FOXP2: variants seen among roughly 807,000 people sequenced by gnomAD.
FOXP2 encodes forkhead box P2.
FOXP2 carries 12 observed loss-of-function variants against 115.8 expected under a neutral mutation model. That is an observed-to-expected ratio of 0.10 (90% CI 0.07 to 0.17). The LOEUF (loss-of-function observed/expected upper bound fraction) is 0.17, where lower values mean the gene tolerates loss of function less well. Among genes scored for constraint, FOXP2 ranks in the 10% least tolerant of loss-of-function variants. The probability of loss-of-function intolerance (pLI) is 1.00; values close to 1 mark genes in which losing one functional copy is unlikely to be tolerated. For missense variants in FOXP2, 629 were observed against 843.5 expected, an observed-to-expected ratio of 0.75 and a Z score of 3.15; for synonymous variants, 328 against 297.7, an observed-to-expected ratio of 1.10 and a Z score of -1.05.
intron 3 of FOXP2, among the ~76,000 whole-genome samples, chr7:114,584,072 G>A (rs1321284601): frequency 6.6e-6 from 1 of 151,884 alleles, no homozygotes; most frequent in African/African-American, 2.4e-5. Flanking sequence ...TTTTTTTATT[G>A]AGGAAAGTGA....
intron 2 of FOXP2, among the ~76,000 whole-genome samples, chr7:114,529,603 T>G (rs1453141343): frequency 6.6e-6 from 1 of 151,876 alleles, no homozygotes; most frequent in Non-Finnish European, 1.5e-5. Context: ...TAACTTTATG[T>G]AACATATACT....
chr7:114,383,645 T>G (rs574399998), intron 2 of FOXP2, among the ~76,000 whole-genome samples: 1 of 152,174 alleles, frequency 6.6e-6, no homozygotes, highest in Non-Finnish European at 1.5e-5. Context: ...GAGGCCAGGT[T>G]TCTCCCCCTT....
At chr7:114,294,215 A>G (rs914261326) in intron 2 of FOXP2, among the ~76,000 whole-genome samples, 1 of 152,142 alleles carries the variant, frequency 6.6e-6, no homozygotes, top group African/African-American at 2.4e-5. Flanking sequence ...AATGTTGGAG[A>G]GTTGTGCTTA....
At chr7:114,172,834 G>A (rs1360229792) in intron 1 of FOXP2, among the ~76,000 whole-genome samples, 1 of 152,042 alleles carries the variant, frequency 6.6e-6, no homozygotes, top group African/African-American at 2.4e-5. Flanking sequence ...TTTCAAATTT[G>A]ATCTGTCAAC....
At chr7:114,343,385 A>G (rs1274051382) in intron 2 of FOXP2, among the ~76,000 whole-genome samples, 1 of 151,614 alleles carries the variant, frequency 6.6e-6, no homozygotes, top group Non-Finnish European at 1.5e-5. Context: ...CTGCTCATTT[A>G]TGTGGGATGA....
chr7:114,362,855 G>A (rs191989363), intron 2 of FOXP2, among the ~76,000 whole-genome samples: 29 of 152,178 alleles, frequency 1.9e-4, no homozygotes, highest in African/African-American at 5.8e-4. Context: ...GACAAAAGAC[G>A]AGGGAATTAA....
chr7:114,617,233 A>C (rs1420819302), intron 3 of FOXP2, among the ~76,000 whole-genome samples: 1 of 152,206 alleles, frequency 6.6e-6, no homozygotes, highest in Non-Finnish European at 1.5e-5. Flanking sequence ...ACCATCATAA[A>C]TGAGACTGTC....
chr7:114,258,107 A>G (rs1472181804), intron 1 of FOXP2, among the ~76,000 whole-genome samples: 1 of 152,222 alleles, frequency 6.6e-6, no homozygotes, highest in Non-Finnish European at 1.5e-5. Flanking sequence ...TGTATTGAGA[A>G]TAGACAGTGG....
At chr7:114,386,588 T>C (rs1407585962) in intron 2 of FOXP2, among the ~76,000 whole-genome samples, 1 of 152,204 alleles carries the variant, frequency 6.6e-6, no homozygotes, top group East Asian at 1.9e-4. Context: ...CCTTCTTGTC[T>C]TTCACTATTT....
At chr7:114,685,542 C>T (rs1313487111) in intron 16 of FOXP2, among the ~76,000 whole-genome samples, 2 of 151,974 alleles carry the variant, frequency 1.3e-5, no homozygotes, top group African/African-American at 2.4e-5. Context: ...CATGATTTAC[C>T]CCACAGTGTG....
chr7:114,151,715 A>T (rs1389414546), intron 1 of FOXP2, among the ~76,000 whole-genome samples: 1 of 152,146 alleles, frequency 6.6e-6, no homozygotes, highest in East Asian at 1.9e-4. Context: ...ATTTCATGCA[A>T]TACTAAGTTT....
intron 1 of FOXP2, among the ~76,000 whole-genome samples, chr7:114,424,241 A>G (rs1793740272): frequency 6.6e-6 from 1 of 151,394 alleles, no homozygotes; most frequent in Non-Finnish European, 1.5e-5. Context: ...GAATTCTTTA[A>G]TTCATCCAAT....
chr7:114,611,642 T>C (rs1803634410), intron 3 of FOXP2, among the ~76,000 whole-genome samples: 1 of 152,142 alleles, frequency 6.6e-6, no homozygotes, highest in African/African-American at 2.4e-5. Flanking sequence ...CAGGAAGTTT[T>C]CTTTTTTTTC....
chr7:114,390,482 G>A (rs867846017), intron 2 of FOXP2, among the ~76,000 whole-genome samples: 3 of 151,378 alleles, frequency 2.0e-5, no homozygotes, highest in South Asian at 2.1e-4. Flanking sequence ...CCAAATCCAC[G>A]TACATGTTTT....
intron 2 of FOXP2, among the ~76,000 whole-genome samples, chr7:114,355,255 C>A (rs1299985599): frequency 6.6e-6 from 1 of 152,048 alleles, no homozygotes; most frequent in Non-Finnish European, 1.5e-5. Context: ...TCAGAAAGTA[C>A]CAGGTGAATT....
intron 5 of FOXP2, 39 bp downstream of exon 5, chr7:114,630,044 A>G: frequency 1.9e-6 from 3 of 1,604,104 alleles, no homozygotes; most frequent in Non-Finnish European, 2.5e-6. Context: ...AACAGTTTGC[A>G]GTTAAGAAGG....
At position 114,672,961 on chromosome 7, in the gene FOXP2, G is replaced by A. The variant is rs60190093; in HGVS notation, c.2003+8525G>A. Among the ~76,000 whole-genome samples, 582 of 152,292 alleles carry A rather than the reference G, an allele frequency of 3.8e-3. 3 individuals are homozygous for A. Among genetic ancestry groups the A allele is most frequent in the African/African-American group, 0.013 (557 of 41,564 alleles). ...CCACAGCAGTAGGGCTCAACTACAGGACTTTGAGGTCAAGATCTTCAAGGA... is the reference window on the plus strand; with the variant it reads ...CCACAGCAGTAGGGCTCAACTACAGAACTTTGAGGTCAAGATCTTCAAGGA... On this transcript the variant is annotated intron_variant, in intron 16 of 16. Transcript: ENST00000350908.
chr7:114,376,985 G>A (rs1417882685), intron 2 of FOXP2, among the ~76,000 whole-genome samples: 1 of 152,040 alleles, frequency 6.6e-6, no homozygotes, highest in Non-Finnish European at 1.5e-5. Context: ...TTGTTGCATA[G>A]GATCATTGTG....
intron 2 of FOXP2, among the ~76,000 whole-genome samples, chr7:114,401,047 T>A (rs959215018): frequency 2.6e-5 from 4 of 151,924 alleles, no homozygotes; most frequent in Non-Finnish European, 5.9e-5. Context: ...TAGGCCAGGG[T>A]GATCAGACAT....
Sources: allele counts gnomAD v4.1 joint callset (sites outside exome capture counted in the v4.1 genomes callset), GRCh38; gene constraint gnomAD v4.1.1; transcripts MANE v1.5; gene names NCBI Gene and HGNC (gene_info 2026-07-23, HGNC 2026-07-21).